FMN1: variants seen among roughly 807,000 people sequenced by gnomAD.
FMN1 encodes formin 1, also known as formin-1.
A neutral mutation model predicts 132.4 loss-of-function variants in FMN1; 110 were observed. The observed-to-expected ratio is 0.83, with a 90% confidence interval of 0.71 to 0.97. The LOEUF (loss-of-function observed/expected upper bound fraction) is 0.97. FMN1 is among the 50% of genes least tolerant of loss of function. FMN1 has a pLI of 0.00. For synonymous variants in FMN1, 722 were observed against 651.7 expected (o/e 1.11, Z -1.64); for missense variants, 1,792 against 1,705.3 (o/e 1.05, Z -0.90).
At chr15:32,801,763 C>T (rs945026292) in intron 18 of FMN1, among the ~76,000 whole-genome samples, 2 of 152,178 alleles carry the variant, frequency 1.3e-5, no homozygotes, top group Non-Finnish European at 2.9e-5. Flanking sequence ...CCACTGCAAT[C>T]CAGCCTGGGC....
chr15:32,894,990 T>C (rs2060120129), intron 15 of FMN1, among the ~76,000 whole-genome samples: 1 of 152,216 alleles, frequency 6.6e-6, no homozygotes, highest in African/African-American at 2.4e-5. Context: ...AAGAGTATAT[T>C]ATTCCAGTGT....
chr15:32,973,605 C>T (rs1247001516), intron 7 of FMN1, among the ~76,000 whole-genome samples: 2 of 149,136 alleles, frequency 1.3e-5, no homozygotes, highest in African/African-American at 5.0e-5. Context: ...TTGTCTTTGA[C>T]CTTTCCTGTT....
intron 16 of FMN1, 59 bp from the exon 17 acceptor site, chr15:32,857,166 G>A (rs1474462746): frequency 2.3e-6 from 3 of 1,301,686 alleles, no homozygotes; most frequent in South Asian, 1.2e-5. Flanking sequence ...CTCCTGCTAT[G>A]GGCCAGGTAC....
intron 4 of FMN1, chr15:33,106,156 T>G (rs2039476350): frequency 6.6e-6 from 1 of 152,052 alleles, no homozygotes; most frequent in Admixed American, 6.6e-5. Context: ...GCTTATGGGA[T>G]TCTCAGTACT....
chr15:33,095,533 A>AACAGGTGTGCACCACCAC (rs2039051344), intron 4 of FMN1, among the ~76,000 whole-genome samples: 2 of 152,048 alleles, frequency 1.3e-5, no homozygotes, highest in Admixed American at 1.3e-4. Context: ...TAGCTGGGAC[A>AACAGGTGTGCACCACCAC]ACAGGTGTGC....
intron 4 of FMN1, among the ~76,000 whole-genome samples, chr15:33,147,829 GA>G: frequency 6.6e-6 from 1 of 152,078 alleles, no homozygotes; most frequent in East Asian, 1.9e-4. Context: ...GAGATCATTG[GA>G]AAAGGCACTC....
chr15:32,947,801 C>A (rs2061541816), intron 9 of FMN1, among the ~76,000 whole-genome samples: 2 of 151,984 alleles, frequency 1.3e-5, no homozygotes, highest in African/African-American at 4.8e-5. Flanking sequence ...TATAAAAATG[C>A]AATTGATTAT....
chr15:33,084,927 G>T (rs1296558151), intron 5 of FMN1, among the ~76,000 whole-genome samples: 1 of 152,148 alleles, frequency 6.6e-6, no homozygotes, highest in African/African-American at 2.4e-5. Flanking sequence ...ACAGAAAAAG[G>T]CTTAAGAAAG....
chr15:33,109,096 G>A (rs1676425349), intron 4 of FMN1, among the ~76,000 whole-genome samples: 1 of 152,068 alleles, frequency 6.6e-6, no homozygotes. Flanking sequence ...CAAAAGCAAG[G>A]AAGGCATAAA....
rs532856743 is a variant in FMN1, at chr15:32,940,941, G to A, written c.3139-14680C>T. On this transcript the variant is annotated intron_variant, in intron 9 of 20. Transcript: ENST00000616417. ...TTAGACGTTAGTGGGATTCCTGACT[G>A]TATTAGCATCCAGCTTCATCATATT... Among the ~76,000 whole-genome samples, 19 of 152,234 alleles carry A rather than the reference G, an allele frequency of 1.2e-4. No individual in the cohort carries two copies. In the South Asian group the frequency reaches 3.9e-3, roughly 32 times the overall value.
chr15:32,888,186 T>C lies in FMN1; in HGVS notation c.3821A>G (p.Lys1274Arg). Residue 1274 changes from lysine (K) to arginine (R), a missense_variant, in exon 16 of 21, where the codon AAG (lysine) becomes AGG (arginine). Physicochemically the swap from Lys to Arg is conservative, Grantham distance 26. This residue lies in a region of FMN1 where 1,150 missense variants were observed against 1,043.1 expected (regional missense o/e 1.10). Transcript: ENST00000616417. ...EDLIKDLRKL[K>R]RQLEASEKQM... is the part of the protein sequence containing the mutation. Reference sequence around the variant, plus strand: ...GTTCCTATTACCTTCTAGTTGCCTCTTCAGTTTTCTCAAATCTTTTATGAG... The same window carrying C: ...GTTCCTATTACCTTCTAGTTGCCTCCTCAGTTTTCTCAAATCTTTTATGAG... 1 of 1,609,844 alleles carries C rather than the reference T, an allele frequency of 6.2e-7. No homozygotes were observed. The highest frequency in any genetic ancestry group is 8.5e-7 in the Non-Finnish European group (1 of 1,178,578).
intron 6 of FMN1, among the ~76,000 whole-genome samples, chr15:33,042,717 A>C (rs114237631): frequency 6.6e-6 from 1 of 152,178 alleles, no homozygotes; most frequent in Admixed American, 6.5e-5. Flanking sequence ...AACAGCTTAC[A>C]TTACTTTGGT....
At chr15:33,081,407 C>T (rs2038453177) in intron 5 of FMN1, among the ~76,000 whole-genome samples, 1 of 152,016 alleles carries the variant, frequency 6.6e-6, no homozygotes. Context: ...ATTAGGATAT[C>T]CATCACCTCA....
intron 19 of FMN1, among the ~76,000 whole-genome samples, chr15:32,779,097 G>C (rs773233208): frequency 1.1e-4 from 16 of 152,290 alleles, no homozygotes; most frequent in South Asian, 1.0e-3. Context: ...GAAATGTTCA[G>C]AACAGGCAAA....
intron 16 of FMN1, among the ~76,000 whole-genome samples, chr15:32,865,936 C>T (rs2059382503): frequency 6.6e-6 from 1 of 151,812 alleles, no homozygotes; most frequent in Admixed American, 6.6e-5. Context: ...AAAGTGCTAA[C>T]TTTTGGAAAA....
intron 4 of FMN1, among the ~76,000 whole-genome samples, chr15:33,106,712 T>C (rs957878943): frequency 1.3e-5 from 2 of 152,034 alleles, no homozygotes; most frequent in African/African-American, 4.8e-5. Context: ...AGGATGACCT[T>C]TGCACTGTAC....
At chr15:33,064,817 A>T (rs1595386964) in intron 6 of FMN1, 140 bp downstream of exon 6, 1 of 573,344 alleles carries the variant, frequency 1.7e-6, no homozygotes, top group East Asian at 2.9e-5. Context: ...TCACTTTAAC[A>T]GCAAAACCAA....
At chr15:33,011,006 A>T (rs1322561144) in intron 6 of FMN1, among the ~76,000 whole-genome samples, 1 of 23,184 alleles carries the variant, frequency 4.3e-5, no homozygotes, top group Non-Finnish European at 4.0e-4. Flanking sequence ...ATTCCTTCAA[A>T]ATTTGAGTTT....
chr15:33,163,934 G>A (rs1228758658), intron 3 of FMN1, among the ~76,000 whole-genome samples: 1 of 151,804 alleles, frequency 6.6e-6, no homozygotes, highest in East Asian at 1.9e-4. Context: ...TGTTTTTTTT[G>A]AGACATGGAA....
Sources: allele counts gnomAD v4.1 joint callset (sites outside exome capture counted in the v4.1 genomes callset), GRCh38; gene constraint gnomAD v4.1.1; regional missense constraint gnomAD v4.1.1; transcripts MANE v1.5; gene names NCBI Gene and HGNC (gene_info 2026-07-23, HGNC 2026-07-21).